The following NDUFA10 variants were observed in gnomAD, a reference collection of about 807,000 sequenced individuals.
The protein encoded by NDUFA10 is NADH:ubiquinone oxidoreductase subunit A10, also known as NADH dehydrogenase [ubiquinone] 1 alpha subcomplex subunit 10, mitochondrial.
In NDUFA10, 40 loss-of-function variants were observed where a neutral mutation model predicts 47.8. The ratio of observed to expected loss-of-function variants is 0.84; its 90% CI spans 0.65 to 1.09. The LOEUF (loss-of-function observed/expected upper bound fraction) is 1.09. Ranked by LOEUF, NDUFA10 falls within the 50% of genes least tolerant of loss-of-function variation. The pLI is 0.00. For synonymous variants in NDUFA10, 183 were observed against 172.2 expected, an observed-to-expected ratio of 1.06 and a Z score of -0.49; for missense variants, 413 against 451.1, an observed-to-expected ratio of 0.92 and a Z score of 0.76.
At chr2:239,903,089 C>T (rs748600659) in intron 4 of NDUFA10, among the ~76,000 whole-genome samples, 2 of 152,152 alleles carry the variant, frequency 1.3e-5, no homozygotes, top group Non-Finnish European at 2.9e-5. Context: ...AGAGCACGTT[C>T]TTGTCTGACC....
At chr2:239,915,846 CACAT>C (rs1227736976) in intron 4 of NDUFA10, among the ~76,000 whole-genome samples, 3 of 151,292 alleles carry the variant, frequency 2.0e-5, no homozygotes, top group African/African-American at 4.9e-5. Flanking sequence ...ACAGAACACA[CACAT>C]ACACAGGCAC....
chr2:240,014,607 G>A, intron 5 of NDUFA10, 132 bp downstream of exon 5: 3 of 1,407,194 alleles, frequency 2.1e-6, no homozygotes, highest in Non-Finnish European at 3.0e-6. Context: ...TCTCTCAAGT[G>A]GGAACAGGGT....
chr2:239,954,561 A>G (rs993129697), downstream of NDUFA10, among the ~76,000 whole-genome samples: 2 of 152,252 alleles, frequency 1.3e-5, no homozygotes, highest in Admixed American at 6.5e-5. Flanking sequence ...GGAGGGCAAG[A>G]TAACACATAC....
intron 4 of NDUFA10, among the ~76,000 whole-genome samples, chr2:239,950,659 C>T (rs889024771): frequency 2.6e-5 from 4 of 152,256 alleles, no homozygotes; most frequent in Non-Finnish European, 4.4e-5. Context: ...CTTCTTCCAA[C>T]ACTGGTACGG....
chr2:239,936,531 G>A (rs1270794456), intron 4 of NDUFA10, among the ~76,000 whole-genome samples: 1 of 152,218 alleles, frequency 6.6e-6, no homozygotes, highest in Non-Finnish European at 1.5e-5. Context: ...CGACGGGTCA[G>A]TGCAGGCTCA....
chr2:239,998,501 G>A (rs1288734535), intron 8 of NDUFA10, among the ~76,000 whole-genome samples: 1 of 151,452 alleles, frequency 6.6e-6, no homozygotes, highest in Admixed American at 6.6e-5. Flanking sequence ...GCTGTCTGTG[G>A]CAGGGCCTCC....
intron 9 of NDUFA10, among the ~76,000 whole-genome samples, chr2:239,968,032 A>C (rs922388931): frequency 4.7e-5 from 7 of 150,530 alleles, no homozygotes; most frequent in Non-Finnish European, 8.9e-5. Flanking sequence ...TAATGGAGGA[A>C]ACTCCTTCTA....
chr2:239,990,641 A>G (rs1696207344), intron 8 of NDUFA10, among the ~76,000 whole-genome samples: 1 of 152,228 alleles, frequency 6.6e-6, no homozygotes, highest in South Asian at 2.1e-4. Context: ...CTGGGGTTGC[A>G]GCCAGCGTCT....
chr2:239,999,390 C>T (rs1696614159), intron 8 of NDUFA10, among the ~76,000 whole-genome samples: 1 of 152,224 alleles, frequency 6.6e-6, no homozygotes, highest in Non-Finnish European at 1.5e-5. Flanking sequence ...CAGAGGCTGG[C>T]TCCTTGCATC....
At chr2:239,937,754 C>A (rs1253666719) in intron 4 of NDUFA10, among the ~76,000 whole-genome samples, 2 of 152,234 alleles carry the variant, frequency 1.3e-5, no homozygotes, top group Non-Finnish European at 2.9e-5. Flanking sequence ...TTTTCCAAAG[C>A]AGCAGGGCCA....
At chr2:239,967,920 C>T (rs937904397) in intron 9 of NDUFA10, among the ~76,000 whole-genome samples, 11 of 151,392 alleles carry the variant, frequency 7.3e-5, no homozygotes, top group Non-Finnish European at 1.5e-4. Context: ...TTTAGACATG[C>T]CCTATATAGT....
At chr2:239,908,805 TG>T (rs1331434866) in intron 4 of NDUFA10, among the ~76,000 whole-genome samples, 3 of 152,162 alleles carry the variant, frequency 2.0e-5, no homozygotes, top group African/African-American at 7.2e-5. Context: ...CACCTTCCCA[TG>T]GGGTTGCACA....
At chr2:239,899,071 GTGATGGAGGAGT>G (rs1693472264) in intron 4 of NDUFA10, among the ~76,000 whole-genome samples, 1 of 52,032 alleles carries the variant, frequency 1.9e-5, no homozygotes, top group African/African-American at 6.7e-5. Context: ...ATGGAGGGGT[GTGATGGAGGAGT>G]GTGGAGGGGT....
At chr2:240,012,415 C>T (rs183102592) in intron 5 of NDUFA10, 375 of 156,318 alleles carry the variant, frequency 2.4e-3, no homozygotes, top group Admixed American at 6.3e-3. Context: ...GGACCTCATC[C>T]ACCCTGCTCA....
rs1241012491 is a variant in NDUFA10 at position 239,945,039 on chromosome 2, C to T, written c.294+45035G>A. ...TGCTTCTTTATTGCAAGGTGCCTCC[C>T]CGAGACAGAATTCCATGGTTTTGGT... is the stretch of plus-strand genomic sequence containing the variant. On this transcript the variant is annotated intron_variant, in intron 4 of 5. Transcript: ENST00000419408. This position sits in a 1 kb window ranked among gnomAD's most constrained non-coding sequence, Gnocchi z 4.6. 6.6e-6 allele frequency among the ~76,000 whole-genome samples: 1 copy of T among 152,014 alleles called. No individual in the cohort carries two copies. Among genetic ancestry groups the T allele is most frequent in the Non-Finnish European group, 1.5e-5 (1 of 68,002 alleles).
chr2:240,012,032 A>G, intron 5 of NDUFA10: 1 of 344,808 alleles, frequency 2.9e-6, no homozygotes, highest in Non-Finnish European at 5.6e-6. Flanking sequence ...GGAATGAAAG[A>G]GCACCAAAAA....
chr2:239,905,443 G>A (rs1311805739), intron 4 of NDUFA10, among the ~76,000 whole-genome samples: 3 of 152,252 alleles, frequency 2.0e-5, no homozygotes, highest in African/African-American at 7.2e-5. Context: ...CTCGGCTACC[G>A]AGGTGGAGCA....
At chr2:240,003,275 G>A (rs549587062) in intron 8 of NDUFA10, among the ~76,000 whole-genome samples, 2 of 152,324 alleles carry the variant, frequency 1.3e-5, no homozygotes, top group African/African-American at 2.4e-5. Flanking sequence ...ATCAGGCAGA[G>A]AAAGAAGGTA....
At position 240,022,155 on chromosome 2, in the gene NDUFA10, G is replaced by A; in HGVS notation, c.244+17C>T. The A allele has an allele frequency of 6.3e-7, 1 of 1,598,586 alleles. No homozygotes were observed. Among genetic ancestry groups the A allele is most frequent in the Non-Finnish European group, 8.6e-7 (1 of 1,165,976 alleles). ...ATCTGAGAAAAAGGTATCATTCTGT[G>A]TAACATAAAATCATACCTAGTTTCT... is the stretch of plus-strand genomic sequence containing the variant. On this transcript the variant is annotated intron_variant, in intron 2 of 9. Transcript: ENST00000252711.
Sources: gnomAD v4.1 joint callset for allele counts (sites outside exome capture counted in the v4.1 genomes callset) on GRCh38, gnomAD v4.1.1 for gene constraint, Gnocchi (gnomAD v3.1) non-coding constraint, MANE v1.5 for transcripts, NCBI Gene and HGNC (gene_info 2026-07-23, HGNC 2026-07-21) for gene names.